Variants in BACH1 observed in about 807,000 individuals in gnomAD.
BACH1 encodes BTB domain and CNC homolog 1, also known as transcription regulator protein BACH1.
BACH1 carries 35 observed loss-of-function variants against 52.9 expected under a neutral mutation model. That is an observed-to-expected ratio of 0.66 (90% CI 0.51 to 0.88). BACH1 has a LOEUF of 0.88. Among genes scored for constraint, BACH1 ranks in the 40% least tolerant of loss-of-function variants. The probability of loss-of-function intolerance (pLI) is 0.00; values close to 1 mark genes in which losing one functional copy is unlikely to be tolerated. For missense variants in BACH1, 808 were observed against 872.6 expected (o/e 0.93, Z 0.93); for synonymous variants, 321 against 319.6 (o/e 1.00, Z -0.05).
In BACH1 at chr21:29,321,285, C is replaced by T. The variant is rs771621322; in HGVS notation, c.5C>T (p.Ser2Phe). The T allele has an allele frequency of 6.2e-6, 10 of 1,613,234 alleles. No individual in the cohort carries two copies. Among genetic ancestry groups the T allele is most frequent in the Non-Finnish European group, 7.6e-6 (9 of 1,179,140 alleles). ...CGACAACATTTGTTATGCAGAATGT[C>T]TCTGAGTGAGAACTCGGTTTTTGCC... M[S>F]LSENSVFAYE... is the part of the protein sequence containing the mutation. Residue 2 changes from serine (S) to phenylalanine (F), a missense_variant, in exon 2 of 5, where the codon TCT (serine) becomes TTT (phenylalanine). Coordinates refer to ENST00000286800, the MANE Select transcript of BACH1 (RefSeq NM_001186.4).
At chr21:29,348,014 TAAAA>T (rs201350199), downstream of BACH1, among the ~76,000 whole-genome samples, 1 of 152,062 alleles carries the variant, frequency 6.6e-6, no homozygotes, top group African/African-American at 2.4e-5. Flanking sequence ...CCCTTTGGAT[TAAAA>T]AAAATCTAAA....
intron 2 of BACH1, among the ~76,000 whole-genome samples, chr21:29,323,320 A>G (rs1020809817): frequency 1.3e-5 from 2 of 152,170 alleles, no homozygotes; most frequent in South Asian, 2.1e-4. Flanking sequence ...GTAGTGGCCC[A>G]GTCCGAGTCC....
intron 4 of BACH1, among the ~76,000 whole-genome samples, chr21:29,341,946 A>T (rs189544272): frequency 6.6e-6 from 1 of 152,232 alleles, no homozygotes; most frequent in African/African-American, 2.4e-5. Flanking sequence ...AATGCCATCC[A>T]TACCTGTTAT....
chr21:29,313,896 G>A (rs1261322808), intron 1 of BACH1, among the ~76,000 whole-genome samples: 1 of 152,106 alleles, frequency 6.6e-6, no homozygotes, highest in East Asian at 1.9e-4. Flanking sequence ...GGGGGGGGTG[G>A]TGGTGGTTTT....
intron 1 of BACH1, among the ~76,000 whole-genome samples, chr21:29,312,921 A>T (rs1241717007): frequency 6.6e-6 from 1 of 152,222 alleles, no homozygotes. Flanking sequence ...AGCCCAGAAG[A>T]ATTAGACATT....
chr21:29,339,157 A>C (rs1333616939), intron 4 of BACH1, among the ~76,000 whole-genome samples: 5 of 152,176 alleles, frequency 3.3e-5, no homozygotes, highest in Non-Finnish European at 5.9e-5. Flanking sequence ...TTGTTGGATC[A>C]AGGGTAAATA....
intron 2 of BACH1, among the ~76,000 whole-genome samples, chr21:29,354,660 T>C (rs1335556927): frequency 6.6e-6 from 1 of 152,192 alleles, no homozygotes; most frequent in Admixed American, 6.5e-5. Flanking sequence ...AATGCGATGG[T>C]GAACACGAGG....
downstream of BACH1, among the ~76,000 whole-genome samples, chr21:29,347,478 T>C (rs1011660938): frequency 6.6e-6 from 1 of 152,212 alleles, no homozygotes; most frequent in Non-Finnish European, 1.5e-5. Flanking sequence ...AGAGGGTGTT[T>C]CTTGCCCTGG....
chr21:29,341,277 A>G (rs17744121), intron 4 of BACH1, among the ~76,000 whole-genome samples: 5,248 of 152,346 alleles, frequency 0.034, 121 homozygotes, highest in Non-Finnish European at 0.055. Flanking sequence ...TCTCAAGGTT[A>G]ACTGGCAGCC....
rs185789464 is a variant in BACH1, at chr21:29,309,811, A to G, written c.-61+10858A>G. The stretch of plus-strand genomic sequence containing the variant: ...GCTGCTGGTAGCCTTAAAATAACCT[A>G]AAACTTGATTTCCTGTTGTCCCTAA... On this transcript the variant is annotated intron_variant, in intron 1 of 4. Transcript: ENST00000286800. 5.8e-4 allele frequency among the ~76,000 whole-genome samples: 88 copies of G among 152,318 alleles called. 1 individual carries two copies. Among genetic ancestry groups the G allele is most frequent in the Non-Finnish European group, 1.1e-3 (73 of 68,022 alleles).
Position 29,329,565 on chromosome 21 carries a change from C to T in BACH1, c.1648C>T (p.Leu550Phe). 1.2e-6 allele frequency: 2 copies of T among 1,605,320 alleles called. No individual in the cohort carries two copies. Among genetic ancestry groups the T allele is most frequent in the Non-Finnish European group, 1.7e-6 (2 of 1,177,152 alleles). The part of the protein sequence containing the change: ...DFQSLLKMHK[L>F]TPEQLDCIHD... The stretch of plus-strand genomic sequence containing the variant: ...TCAGTCCTTGTTGAAAATGCACAAG[C>T]TTACTCCAGAACAGCTGGATTGTAT... Residue 550 changes from leucine to phenylalanine, a missense_variant, in exon 4 of 5, where the codon CTT (leucine) becomes TTT (phenylalanine). Leu to Phe is a conservative substitution (Grantham distance 22). Transcript: ENST00000286800.
intron 2 of BACH1, chr21:29,352,721 T>TC (rs1457882064): frequency 6.6e-6 from 1 of 151,716 alleles, no homozygotes; most frequent in African/African-American, 2.4e-5. Context: ...GTTTTTGTTT[T>TC]TTTTTTTTGA....
chr21:29,326,303 T>G lies in BACH1; in HGVS notation c.479T>G (p.Leu160Trp), dbSNP rs767496605. The change falls in exon 3 of 5, where the codon TTG becomes TGG. Residue 160 changes from leucine (L) to tryptophan (W), a missense_variant. By Grantham distance (61) the Leu-to-Trp change is moderately conservative. Coordinates refer to ENST00000286800, the MANE Select transcript of BACH1 (RefSeq NM_001186.4). ...CQKTDLKLSL[L>W]DQRDLETDEV... ...AAAACAGACCTTAAACTTTCACTTT[T>G]GGACCAGAGGGATCTAGAAACTGAT... 3 of 1,614,086 alleles carry G rather than the reference T, an allele frequency of 1.9e-6. No individual in the cohort carries two copies. The Admixed American group carries it at 5.0e-5, about 27-fold the overall frequency.
At position 29,336,708 on chromosome 21, in the gene BACH1, A is replaced by T. The variant is rs1601364161; in HGVS notation, c.1777-5691A>T. On this transcript the variant is annotated intron_variant, in intron 4 of 4. Transcript: ENST00000286800. ...GAAACAGAGTCTCACTCTGTTGCCTAGGCTGGAGTGTGGAGTGCAGTGGCG... is the reference window on the plus strand; with the variant it reads ...GAAACAGAGTCTCACTCTGTTGCCTTGGCTGGAGTGTGGAGTGCAGTGGCG... Among the ~76,000 whole-genome samples the T allele has an allele frequency of 2.0e-5, 3 of 151,592 alleles. No individual in the cohort carries two copies. In the South Asian group the frequency reaches 6.2e-4, roughly 32 times the overall value.
chr21:29,299,609 G>C (rs995602336), intron 1 of BACH1: 1 of 152,234 alleles, frequency 6.6e-6, no homozygotes, highest in Non-Finnish European at 1.5e-5. Context: ...GTGAGAGTGG[G>C]CGTTGATTCT....
chr21:29,331,923 C>T (rs750211950), intron 4 of BACH1, among the ~76,000 whole-genome samples: 7 of 151,936 alleles, frequency 4.6e-5, no homozygotes, highest in African/African-American at 1.2e-4. Context: ...TATTTTTAGA[C>T]GGAGTCTTGC....
At chr21:29,334,589 G>A (rs765548639) in intron 4 of BACH1, among the ~76,000 whole-genome samples, 19 of 152,018 alleles carry the variant, frequency 1.2e-4, no homozygotes, top group Non-Finnish European at 2.2e-4. Flanking sequence ...TGAAATGAAG[G>A]GAGCCTCGCT....
intron 1 of BACH1, 77 bp downstream of exon 1, chr21:29,299,030 G>C (rs918766326): frequency 2.0e-5 from 3 of 151,818 alleles, no homozygotes; most frequent in African/African-American, 7.3e-5. Context: ...GTGAGGGGAG[G>C]CCGGCGGACA....
At chr21:29,358,770 A>AAAAGAAAAGAAAAGAAAGAAAG (rs1409780180) in intron 2 of BACH1, among the ~76,000 whole-genome samples, 2 of 108,890 alleles carry the variant, frequency 1.8e-5, no homozygotes, top group East Asian at 2.3e-4. Context: ...AAAAGAAAAG[A>AAAAGAAAAGAAAAGAAAGAAAG]AAAGAAAGAA....
Sources: allele counts gnomAD v4.1 joint callset (sites outside exome capture counted in the v4.1 genomes callset), GRCh38; gene constraint gnomAD v4.1.1; transcripts MANE v1.5; gene names NCBI Gene and HGNC (gene_info 2026-07-23, HGNC 2026-07-21).